ST6GALNAC3: variants seen among roughly 807,000 people sequenced by gnomAD.
ST6GALNAC3 encodes ST6 N-acetylgalactosaminide alpha-2,6-sialyltransferase 3.
ST6GALNAC3 carries 25 observed loss-of-function variants against 32.7 expected under a neutral mutation model. The observed-to-expected ratio is 0.76, with a 90% CI of 0.56 to 1.07. ST6GALNAC3 has a LOEUF of 1.07. ST6GALNAC3 is among the 50% of genes least tolerant of loss of function. The pLI, the probability that ST6GALNAC3 is intolerant of heterozygous loss-of-function variation, is 0.00. For synonymous variants in ST6GALNAC3, 129 were observed against 133.1 expected (o/e 0.97, Z 0.21); for missense variants, 355 against 382.4 (o/e 0.93, Z 0.60).
At chr1:76,145,600 G>T (rs1000231108) in intron 1 of ST6GALNAC3, among the ~76,000 whole-genome samples, 1 of 152,186 alleles carries the variant, frequency 6.6e-6, no homozygotes, top group Non-Finnish European at 1.5e-5. Flanking sequence ...GAAATAATTA[G>T]TGACTTAAAA....
chr1:76,456,703 C>T (rs1195452644), intron 3 of ST6GALNAC3, among the ~76,000 whole-genome samples: 1 of 152,088 alleles, frequency 6.6e-6, no homozygotes, highest in African/African-American at 2.4e-5. Flanking sequence ...AGACGTATCT[C>T]AAAATAATAA....
chr1:76,576,573 C>T (rs1557591919), intron 3 of ST6GALNAC3, among the ~76,000 whole-genome samples: 1 of 152,022 alleles, frequency 6.6e-6, no homozygotes, highest in Non-Finnish European at 1.5e-5. Flanking sequence ...CCTTCGGAGA[C>T]ACAGGCTGTG....
At chr1:76,627,303 G>A in intron 3 of ST6GALNAC3, 149 bp from the exon 4 acceptor site, 1 of 599,628 alleles carries the variant, frequency 1.7e-6, no homozygotes, top group South Asian at 2.1e-5. Context: ...GTGCATCTTT[G>A]ACATATTGTC....
At chr1:76,186,450 C>A (rs907408711) in intron 1 of ST6GALNAC3, among the ~76,000 whole-genome samples, 1 of 152,042 alleles carries the variant, frequency 6.6e-6, no homozygotes, top group African/African-American at 2.4e-5. Context: ...ATTCCATTCT[C>A]ATAGTAATCC....
intron 3 of ST6GALNAC3, among the ~76,000 whole-genome samples, chr1:76,430,594 T>C (rs987004014): frequency 6.6e-6 from 1 of 152,190 alleles, no homozygotes; most frequent in Admixed American, 6.5e-5. Flanking sequence ...CAGCTCTCTC[T>C]AACAGCCCCA....
chr1:76,143,789 AGAC>A (rs1316384982), intron 1 of ST6GALNAC3, among the ~76,000 whole-genome samples: 4 of 152,144 alleles, frequency 2.6e-5, no homozygotes, highest in Non-Finnish European at 5.9e-5. Flanking sequence ...CTTGAGAAGA[AGAC>A]TGTGGATCTG....
intron 2 of ST6GALNAC3, among the ~76,000 whole-genome samples, chr1:76,347,738 G>A (rs926575318): frequency 2.0e-5 from 3 of 152,076 alleles, no homozygotes; most frequent in Non-Finnish European, 4.4e-5. Flanking sequence ...AACTTCCTGG[G>A]TTCAAGCTCT....
rs114412484 is a variant in ST6GALNAC3, at chr1:76,129,459, G to T, written c.18+54575G>T. On this transcript the variant is annotated intron_variant, in intron 1 of 4. Transcript: ENST00000328299. ...GTGGATTTCAGTGCCGTTTCCCTTT[G>T]TCTGGAGTGCAGTGTCAAGAGTCCA... Among the ~76,000 whole-genome samples the T allele has an allele frequency of 4.5e-3, 686 of 152,234 alleles. 8 individuals carry two copies. The highest frequency in any genetic ancestry group is 0.016 in the African/African-American group (666 of 41,526).
chr1:76,493,920 C>A (rs1190172789), intron 3 of ST6GALNAC3, among the ~76,000 whole-genome samples: 3 of 152,054 alleles, frequency 2.0e-5, no homozygotes, highest in Non-Finnish European at 2.9e-5. Context: ...TGAAGATGTC[C>A]CACACCTCCA....
At chr1:76,127,663 C>T (rs116177305) in intron 1 of ST6GALNAC3, among the ~76,000 whole-genome samples, 238 of 152,198 alleles carry the variant, frequency 1.6e-3, no homozygotes, top group African/African-American at 5.2e-3. Context: ...TTAGTAGCAT[C>T]GAATGTTGGA....
chr1:76,571,708 T>C (rs923089932), intron 3 of ST6GALNAC3, among the ~76,000 whole-genome samples: 3 of 152,100 alleles, frequency 2.0e-5, no homozygotes, highest in African/African-American at 7.2e-5. Context: ...TTGCTTATCA[T>C]ATATAAAGAG....
chr1:76,349,466 T>C lies in ST6GALNAC3; in HGVS notation c.213+35467T>C, dbSNP rs76802392. ...CTCTTGCTTTTCTTACATGTTTCTC[T>C]GTGTTCTGGGCTTTCCAAGAAAAAA... On this transcript the variant is annotated intron_variant, in intron 2 of 4. Transcript: ENST00000328299. 3.1e-3 allele frequency among the ~76,000 whole-genome samples: 468 copies of C among 152,284 alleles called. 3 individuals carry two copies. Among genetic ancestry groups the C allele is most frequent in the African/African-American group, 0.01 (431 of 41,574 alleles).
chr1:76,107,577 C>T (rs1647624430), intron 1 of ST6GALNAC3, among the ~76,000 whole-genome samples: 1 of 152,186 alleles, frequency 6.6e-6, no homozygotes, highest in Non-Finnish European at 1.5e-5. Flanking sequence ...ATTCATAGTA[C>T]ACAGGGGCTT....
At chr1:76,451,188 T>C (rs1657375560) in intron 3 of ST6GALNAC3, among the ~76,000 whole-genome samples, 1 of 152,180 alleles carries the variant, frequency 6.6e-6, no homozygotes, top group African/African-American at 2.4e-5. Context: ...TATTAGTCCA[T>C]TCTCATGCTG....
At chr1:76,160,881 A>G (rs1183716440) in intron 1 of ST6GALNAC3, among the ~76,000 whole-genome samples, 1 of 109,758 alleles carries the variant, frequency 9.1e-6, no homozygotes, top group Admixed American at 1.2e-4. Flanking sequence ...TACTTGCTCT[A>G]TACTTCAAAT....
intron 1 of ST6GALNAC3, among the ~76,000 whole-genome samples, chr1:76,188,786 T>C (rs1392295285): frequency 6.6e-6 from 1 of 152,218 alleles, no homozygotes; most frequent in Non-Finnish European, 1.5e-5. Flanking sequence ...GATAAAGGTC[T>C]TCATCCTCAT....
At chr1:76,530,199 T>A (rs528431793) in intron 3 of ST6GALNAC3, among the ~76,000 whole-genome samples, 1 of 152,186 alleles carries the variant, frequency 6.6e-6, no homozygotes, top group South Asian at 2.1e-4. Flanking sequence ...CTCAGCAAGG[T>A]TTTTATTTCC....
chr1:76,299,519 A>G (rs1006280412), intron 1 of ST6GALNAC3, among the ~76,000 whole-genome samples: 5 of 152,042 alleles, frequency 3.3e-5, no homozygotes, highest in Admixed American at 2.6e-4. Flanking sequence ...GTAAAAGTTC[A>G]GTCACTGGGG....
chr1:76,496,056 A>G (rs376187410), intron 3 of ST6GALNAC3, among the ~76,000 whole-genome samples: 2 of 152,270 alleles, frequency 1.3e-5, no homozygotes, highest in African/African-American at 2.4e-5. Flanking sequence ...CAAAATTGCA[A>G]TTATTCTAGT....
Sources: gnomAD v4.1 joint callset for allele counts (sites outside exome capture counted in the v4.1 genomes callset) on GRCh38, gnomAD v4.1.1 for gene constraint, MANE v1.5 for transcripts, NCBI Gene and HGNC (gene_info 2026-07-23, HGNC 2026-07-21) for gene names.